GRIK4: variants seen among roughly 807,000 people sequenced by gnomAD.
The protein encoded by GRIK4 is glutamate ionotropic receptor kainate type subunit 4, also known as glutamate receptor ionotropic, kainate 4.
In GRIK4, 40 loss-of-function variants were observed where a neutral mutation model predicts 104.9. The ratio of observed to expected loss-of-function variants is 0.38; its 90% CI spans 0.30 to 0.50. The LOEUF (loss-of-function observed/expected upper bound fraction) is 0.50. Ranked by LOEUF, GRIK4 falls within the 20% of genes least tolerant of loss-of-function variation. GRIK4 has a pLI of 0.93. For synonymous variants in GRIK4, 485 were observed against 524.9 expected, an observed-to-expected ratio of 0.92 and a Z score of 1.04; for missense variants, 1,047 against 1,308.1, an observed-to-expected ratio of 0.80 and a Z score of 3.08.
chr11:120,570,638 G>A (rs1948387005), intron 1 of GRIK4, among the ~76,000 whole-genome samples: 1 of 152,054 alleles, frequency 6.6e-6, no homozygotes, highest in East Asian at 1.9e-4. Context: ...GTTATTACTT[G>A]TAGAGACAGG....
rs185210588 is a variant in GRIK4 at position 120,695,807 on chromosome 11, C to T, written c.82+35407C>T. On this transcript the variant is annotated intron_variant, in intron 3 of 20. Transcript: ENST00000527524. ...GGCCTGGCAGGTTGGCAGTTGGAGC[C>T]GCCATGCAGATAACTGAGGGCAGCC... Among the ~76,000 whole-genome samples, 1,142 of 152,316 alleles carry T rather than the reference C, an allele frequency of 7.5e-3. 8 individuals are homozygous for T. Among genetic ancestry groups the T allele is most frequent in the Middle Eastern group, 0.014 (4 of 294 alleles).
chr11:120,717,280 T>A (rs928421929), intron 3 of GRIK4, among the ~76,000 whole-genome samples: 5 of 152,208 alleles, frequency 3.3e-5, no homozygotes, highest in Non-Finnish European at 7.3e-5. Context: ...TGGGCAACGC[T>A]GCAGGAACAG....
chr11:120,753,325 G>T (rs968915136), intron 3 of GRIK4, among the ~76,000 whole-genome samples: 1 of 149,064 alleles, frequency 6.7e-6, no homozygotes, highest in Non-Finnish European at 1.5e-5. Context: ...GTGTGTGTGT[G>T]TGTGTGTGTG....
At chr11:120,807,341 C>T (rs1268115177) in intron 4 of GRIK4, among the ~76,000 whole-genome samples, 1 of 152,208 alleles carries the variant, frequency 6.6e-6, no homozygotes, top group Non-Finnish European at 1.5e-5. Flanking sequence ...GGTTTAATTT[C>T]CTGCAGACCC....
Position 120,905,869 on chromosome 11 carries a change from C to T in GRIK4, c.1476+376C>T, listed in dbSNP as rs1007615363. Among the ~76,000 whole-genome samples, 4 of 152,146 alleles carry T rather than the reference C, an allele frequency of 2.6e-5. No individual in the cohort carries two copies. Among genetic ancestry groups the T allele is most frequent in the African/African-American group, 9.7e-5 (4 of 41,422 alleles). On this transcript the variant is annotated intron_variant, in intron 13 of 20. Coordinates refer to ENST00000527524, the MANE Select transcript of GRIK4 (RefSeq NM_014619.5). This position sits in a 1 kb window ranked among gnomAD's most constrained non-coding sequence, Gnocchi z 5.1. ...CAGGTCCTGGGAGAAGAGAATGCACCCACATCAGCTGGCTTGGATCCTTGA... is the reference window on the plus strand; with the variant it reads ...CAGGTCCTGGGAGAAGAGAATGCACTCACATCAGCTGGCTTGGATCCTTGA...
intron 1 of GRIK4, among the ~76,000 whole-genome samples, chr11:120,517,074 C>T (rs1214397604): frequency 6.7e-6 from 1 of 148,764 alleles, no homozygotes; most frequent in Admixed American, 6.6e-5. Flanking sequence ...ACGGTACCCT[C>T]GTGTCTGATA....
intron 8 of GRIK4, among the ~76,000 whole-genome samples, chr11:120,849,083 C>A (rs554966204): frequency 6.6e-6 from 1 of 152,268 alleles, no homozygotes; most frequent in African/African-American, 2.4e-5. Flanking sequence ...ACGGGGCTCC[C>A]AGAGCTGAGT....
At chr11:120,573,187 C>T (rs1477715119) in intron 1 of GRIK4, among the ~76,000 whole-genome samples, 1 of 152,162 alleles carries the variant, frequency 6.6e-6, no homozygotes, top group African/African-American at 2.4e-5. Flanking sequence ...AAGCGGTCTG[C>T]TAGAGTGAGC....
At chr11:120,563,782 C>A (rs891977660) in intron 1 of GRIK4, among the ~76,000 whole-genome samples, 23 of 152,282 alleles carry the variant, frequency 1.5e-4, no homozygotes, top group African/African-American at 5.5e-4. Flanking sequence ...AAGCCTACCT[C>A]CTGAGCTACC....
intron 1 of GRIK4, among the ~76,000 whole-genome samples, chr11:120,554,562 TTTC>T (rs1343809347): frequency 6.6e-6 from 1 of 151,202 alleles, no homozygotes; most frequent in Non-Finnish European, 1.5e-5. Flanking sequence ...TCTTTTTCTT[TTTC>T]TTTTTTTTTT....
intron 1 of GRIK4, among the ~76,000 whole-genome samples, chr11:120,613,212 G>A (rs1402888860): frequency 6.6e-6 from 1 of 152,196 alleles, no homozygotes; most frequent in East Asian, 1.9e-4. Context: ...TTGGCCTTGG[G>A]TAAGTTCCTC....
At chr11:120,966,645 T>A (rs1400804657) in intron 18 of GRIK4, among the ~76,000 whole-genome samples, 1 of 152,202 alleles carries the variant, frequency 6.6e-6, no homozygotes, top group Non-Finnish European at 1.5e-5. Flanking sequence ...GTGCTGGGAT[T>A]ACAGGCGTGA....
rs12279911 is a variant in GRIK4 at position 120,978,231 on chromosome 11, C to T, written c.2396-3875C>T. ...AGAGCTCACAGTGTAGTGGGAAATCCAGATATATAAACTAGTGTATTATTT... is the reference window on the plus strand; with the variant it reads ...AGAGCTCACAGTGTAGTGGGAAATCTAGATATATAAACTAGTGTATTATTT... On this transcript the variant is annotated intron_variant, in intron 19 of 20. Transcript: ENST00000527524. Among the ~76,000 whole-genome samples the T allele has an allele frequency of 5.7e-3, 869 of 152,220 alleles. 6 individuals carry two copies. Among genetic ancestry groups the T allele is most frequent in the African/African-American group, 0.02 (830 of 41,520 alleles).
chr11:120,844,198 C>G (rs867946866), intron 8 of GRIK4, among the ~76,000 whole-genome samples: 1 of 152,108 alleles, frequency 6.6e-6, no homozygotes, highest in Non-Finnish European at 1.5e-5. Flanking sequence ...AGAATGCACA[C>G]AGCCCCACTC....
chr11:120,815,955 A>T (rs1036287405), intron 5 of GRIK4, among the ~76,000 whole-genome samples: 1 of 152,198 alleles, frequency 6.6e-6, no homozygotes, highest in Admixed American at 6.5e-5. Flanking sequence ...CTGTCATATA[A>T]GTTCTCTAGA....
chr11:120,528,278 A>AT (rs1297038645), intron 1 of GRIK4, among the ~76,000 whole-genome samples: 1 of 151,844 alleles, frequency 6.6e-6, no homozygotes, highest in Non-Finnish European at 1.5e-5. Flanking sequence ...CGCCCGGCTA[A>AT]TTTTTTGTAT....
At chr11:120,829,716 T>G (rs1591966184) in intron 6 of GRIK4, among the ~76,000 whole-genome samples, 1 of 152,290 alleles carries the variant, frequency 6.6e-6, no homozygotes, top group South Asian at 2.1e-4. Flanking sequence ...GTTCTCATCC[T>G]CCTTTGCCCA....
At chr11:120,547,863 T>TAGA (rs1267187992) in intron 1 of GRIK4, among the ~76,000 whole-genome samples, 1 of 152,224 alleles carries the variant, frequency 6.6e-6, no homozygotes, top group East Asian at 1.9e-4. Flanking sequence ...AGAGCCCTGT[T>TAGA]AGAGCTTTAA....
At chr11:120,556,181 C>T (rs1048349097) in intron 1 of GRIK4, among the ~76,000 whole-genome samples, 5 of 152,106 alleles carry the variant, frequency 3.3e-5, no homozygotes, top group African/African-American at 4.8e-5. Context: ...CAGTGTCCCC[C>T]GGCCCCTGTC....
Sources: gnomAD v4.1 joint callset for allele counts (sites outside exome capture counted in the v4.1 genomes callset) on GRCh38, gnomAD v4.1.1 for gene constraint, Gnocchi (gnomAD v3.1) non-coding constraint, MANE v1.5 for transcripts, NCBI Gene and HGNC (gene_info 2026-07-23, HGNC 2026-07-21) for gene names.